TTBK2: variants seen among roughly 807,000 people sequenced by gnomAD.
TTBK2 encodes the protein tau tubulin kinase 2, also known as tau-tubulin kinase 2.
Under a neutral mutation model 110.8 loss-of-function variants are expected in TTBK2, and 28 were observed. The ratio of observed to expected loss-of-function variants is 0.25; its 90% confidence interval spans 0.19 to 0.35. The LOEUF is 0.35. TTBK2 is among the 10% of genes least tolerant of loss of function. The probability of loss-of-function intolerance (pLI) is 1.00; values close to 1 mark genes in which losing one functional copy is unlikely to be tolerated. For missense variants in TTBK2, 1,369 were observed against 1,500.3 expected (o/e 0.91, Z 1.45); for synonymous variants, 532 against 527.3 (o/e 1.01, Z -0.12).
chr15:42,914,874 A>G (rs1355103170), intron 1 of TTBK2, among the ~76,000 whole-genome samples: 3 of 152,180 alleles, frequency 2.0e-5, no homozygotes, highest in African/African-American at 7.2e-5. Flanking sequence ...TTAAATGCTC[A>G]TGTCTGCATC....
chr15:42,831,254 T>C (rs1295904174), intron 4 of TTBK2, among the ~76,000 whole-genome samples: 1 of 152,060 alleles, frequency 6.6e-6, no homozygotes, highest in Non-Finnish European at 1.5e-5. Context: ...GTTTTTTAAA[T>C]AGAGATGGAG....
Position 42,745,214 on chromosome 15 carries a change from T to A in TTBK2, c.*581A>T, listed in dbSNP as rs575564250. On this transcript the variant is annotated 3_prime_UTR_variant, in exon 15 of 15. Coordinates refer to ENST00000267890, the MANE Select transcript of TTBK2 (RefSeq NM_173500.4). ...GAATCAGACGAGACATACAAAATTT[T>A]AAAAAAAAATCTGAACTCCAGGGAG... 2.0e-3 allele frequency: 307 copies of A among 156,414 alleles called. 1 individual carries two copies. Among genetic ancestry groups the A allele is most frequent in the Middle Eastern group, 7.2e-3 (9 of 1,242 alleles). 9.7% of individuals were successfully genotyped at this position (156,414 alleles called of 1,614,324 possible).
intron 13 of TTBK2, among the ~76,000 whole-genome samples, chr15:42,769,068 T>C (rs982656738): frequency 2.6e-5 from 4 of 152,120 alleles, no homozygotes; most frequent in African/African-American, 7.2e-5. Flanking sequence ...ATGTAGAAAG[T>C]TGAAATTGGA....
chr15:42,850,986 G>C (rs1383992863), intron 3 of TTBK2, among the ~76,000 whole-genome samples: 2 of 151,978 alleles, frequency 1.3e-5, no homozygotes, highest in African/African-American at 4.8e-5. Flanking sequence ...AACACTTTGG[G>C]AGGCTGAGGA....
chr15:42,857,439 G>C (rs1893987696), intron 3 of TTBK2: 1 of 152,076 alleles, frequency 6.6e-6, no homozygotes. Context: ...AGGATTGCCT[G>C]AGCCCAGGAG....
Position 42,839,047 on chromosome 15 carries a change from G to T in TTBK2, c.291+1313C>A, listed in dbSNP as rs142676731. ...GTGTGGAAACGATTTTGTCACACAG[G>T]TAGTGAGCACAGTATCCAACAGGTA... On this transcript the variant is annotated intron_variant, in intron 4 of 14. Transcript: ENST00000267890. Among the ~76,000 whole-genome samples, 125 of 152,228 alleles carry T rather than the reference G, an allele frequency of 8.2e-4. 1 individual carries two copies. The highest frequency in any genetic ancestry group is 2.9e-3 in the African/African-American group (119 of 41,548).
chr15:42,882,447 AAT>A (rs150094205), intron 1 of TTBK2, among the ~76,000 whole-genome samples: 272 of 147,372 alleles, frequency 1.8e-3, no homozygotes, highest in African/African-American at 4.1e-3. Flanking sequence ...TAAAATACAA[AAT>A]ATATATATAT....
At chr15:42,853,765 C>T (rs905450488) in intron 3 of TTBK2, among the ~76,000 whole-genome samples, 1 of 152,040 alleles carries the variant, frequency 6.6e-6, no homozygotes, top group Non-Finnish European at 1.5e-5. Context: ...CCTGTAATCC[C>T]AGCTACTCAG....
chr15:42,905,910 C>T (rs939520259), intron 1 of TTBK2, among the ~76,000 whole-genome samples: 23 of 152,084 alleles, frequency 1.5e-4, no homozygotes, highest in Non-Finnish European at 3.2e-4. Context: ...TAAAACTGGC[C>T]GGGCATGGTG....
chr15:42,838,166 C>T (rs996937507), intron 4 of TTBK2, among the ~76,000 whole-genome samples: 1 of 151,970 alleles, frequency 6.6e-6, no homozygotes, highest in Non-Finnish European at 1.5e-5. Flanking sequence ...CGAGATCGCG[C>T]CATTGCACTC....
chr15:42,771,461 T>C (rs1405768453), intron 13 of TTBK2, among the ~76,000 whole-genome samples: 1 of 152,174 alleles, frequency 6.6e-6, no homozygotes, highest in Non-Finnish European at 1.5e-5. Context: ...GATGTAACTT[T>C]TCATTGCCAA....
intron 1 of TTBK2, among the ~76,000 whole-genome samples, chr15:42,918,225 G>A (rs59604593): frequency 0.013 from 1,990 of 152,048 alleles, 40 homozygotes; most frequent in African/African-American, 0.046. Flanking sequence ...CACCATGCCC[G>A]GCTAAATTTT....
At chr15:42,763,818 T>A (rs1444283712) in intron 13 of TTBK2, among the ~76,000 whole-genome samples, 1 of 152,176 alleles carries the variant, frequency 6.6e-6, no homozygotes. Context: ...ACTAAAAACC[T>A]AAAGCCTCAA....
At chr15:42,866,418 G>A (rs1223032165) in intron 3 of TTBK2, among the ~76,000 whole-genome samples, 1 of 151,940 alleles carries the variant, frequency 6.6e-6, no homozygotes, top group Non-Finnish European at 1.5e-5. Flanking sequence ...AACTACATGA[G>A]GTAAAAAACA....
intron 1 of TTBK2, among the ~76,000 whole-genome samples, chr15:42,889,756 C>A (rs1895382057): frequency 6.6e-6 from 1 of 152,126 alleles, no homozygotes; most frequent in African/African-American, 2.4e-5. Flanking sequence ...CTCCTTCTAA[C>A]AACCCCACAA....
In TTBK2 at chr15:42,745,974, C is replaced by A; in HGVS notation, c.3556G>T (p.Gly1186Trp). Residue 1186 changes from glycine (G) to tryptophan (W), a missense_variant, in exon 15 of 15, where the codon GGG (glycine) becomes TGG (tryptophan). Transcript: ENST00000267890. ...HDQRSSSPHLGRSKSPPSHSG... is the reference protein window; with the variant it reads ...HDQRSSSPHLWRSKSPPSHSG... ...TGGCTGGGAGGTGACTTGCTTCTCC[C>A]CAGATGTGGGGACGAACTCCTCTGG... is the stretch of plus-strand genomic sequence containing the variant. 9 of 1,614,008 alleles carry A rather than the reference C, an allele frequency of 5.6e-6. No homozygotes were observed. Among genetic ancestry groups the A allele is most frequent in the Non-Finnish European group, 7.6e-6 (9 of 1,179,984 alleles).
At chr15:42,905,134 A>C (rs185244586) in intron 1 of TTBK2, among the ~76,000 whole-genome samples, 1 of 152,266 alleles carries the variant, frequency 6.6e-6, no homozygotes, top group Admixed American at 6.5e-5. Context: ...TTGGCCTCCT[A>C]AAGTGCTGGG....
At chr15:42,799,776 G>A (rs1217122757) in intron 9 of TTBK2, among the ~76,000 whole-genome samples, 1 of 152,018 alleles carries the variant, frequency 6.6e-6, no homozygotes, top group African/African-American at 2.4e-5. Flanking sequence ...GATTATTTGT[G>A]TCAACCCCTC....
At chr15:42,867,176 G>A (rs1183806466) in intron 3 of TTBK2, among the ~76,000 whole-genome samples, 18 of 151,278 alleles carry the variant, frequency 1.2e-4, no homozygotes, top group Admixed American at 1.1e-3. Context: ...CCTGGGAGGC[G>A]GAGCTTGCAG....
Sources: allele counts gnomAD v4.1 joint callset (sites outside exome capture counted in the v4.1 genomes callset), GRCh38; gene constraint gnomAD v4.1.1; transcripts MANE v1.5; gene names NCBI Gene and HGNC (gene_info 2026-07-23, HGNC 2026-07-21).